P2RY6: variants seen among roughly 807,000 people sequenced by gnomAD.
P2RY6 encodes P2Y purinoceptor 6.
P2RY6 carries 19 observed loss-of-function variants against 16.3 expected under a neutral mutation model. The ratio of observed to expected loss-of-function variants is 1.16; its 90% CI spans 0.81 to 1.71. The LOEUF (loss-of-function observed/expected upper bound fraction) is 1.71, where lower values mean the gene tolerates loss of function less well. Ranked by LOEUF, P2RY6 falls within the 40% of genes most tolerant of loss-of-function variation. P2RY6 has a pLI of 0.00. For missense variants in P2RY6, 389 were observed against 455.5 expected (o/e 0.85, Z 1.33); for synonymous variants, 184 against 201.5 (o/e 0.91, Z 0.74).
chr11:73,294,647 T>C (rs1341061703), intron 1 of P2RY6, among the ~76,000 whole-genome samples: 5 of 152,224 alleles, frequency 3.3e-5, no homozygotes, highest in Admixed American at 3.3e-4. Context: ...GACTATAGAA[T>C]CCAACATTAT....
intron 1 of P2RY6, among the ~76,000 whole-genome samples, chr11:73,286,294 G>A (rs984986549): frequency 2.0e-5 from 3 of 152,302 alleles, no homozygotes; most frequent in Admixed American, 6.5e-5. Flanking sequence ...CAAGGCAGGG[G>A]CTGCCTTTCA....
In P2RY6 at chr11:73,297,811, G is replaced by T; in HGVS notation, c.*306G>T. ...CAGTGTGACGTGTACTGTCATCAAG[G>T]GGTATGCTCCATGCTTTGAGTCACC... is the stretch of plus-strand genomic sequence containing the variant. On this transcript the variant is annotated 3_prime_UTR_variant, in exon 3 of 3. Coordinates refer to ENST00000540124, the MANE Select transcript of P2RY6 (RefSeq NM_001277204.2). 1 of 375,624 alleles carries T rather than the reference G, an allele frequency of 2.7e-6. No homozygotes were observed. Among genetic ancestry groups the T allele is most frequent in the Non-Finnish European group, 5.0e-6 (1 of 198,394 alleles). 23.3% of individuals were successfully genotyped at this position (375,624 alleles called of 1,614,324 possible).
At chr11:73,280,761 G>A (rs566360470) in intron 1 of P2RY6, among the ~76,000 whole-genome samples, 1 of 152,200 alleles carries the variant, frequency 6.6e-6, no homozygotes, top group East Asian at 1.9e-4. Flanking sequence ...AAGAAGAGCA[G>A]GAACTGAAAG....
At chr11:73,284,159 A>G (rs958118828) in intron 1 of P2RY6, among the ~76,000 whole-genome samples, 1 of 152,088 alleles carries the variant, frequency 6.6e-6, no homozygotes, top group African/African-American at 2.4e-5. Flanking sequence ...AGGACAGACA[A>G]AAGGTTGGGG....
intron 1 of P2RY6, among the ~76,000 whole-genome samples, chr11:73,278,694 C>A (rs1453328928): frequency 6.6e-6 from 1 of 152,168 alleles, no homozygotes; most frequent in Non-Finnish European, 1.5e-5. Context: ...TAGTATGTAT[C>A]AGAATTTCAT....
rs558662858 is a variant in P2RY6, at chr11:73,290,835, G to A, written c.-120-4895G>A. On this transcript the variant is annotated intron_variant, in intron 1 of 2. Transcript: ENST00000540124. ...AGGCCTAGCCAGGTCCATGGGCAAA[G>A]CTAAGGCCCGGTGAGAGCAAGGCAG... Among the ~76,000 whole-genome samples, 18 of 152,396 alleles carry A rather than the reference G, an allele frequency of 1.2e-4. No individual in the cohort carries two copies. The East Asian group carries it at 3.3e-3, about 28-fold the overall frequency.
upstream of P2RY6, among the ~76,000 whole-genome samples, chr11:73,269,523 G>T (rs944828061): frequency 1.3e-5 from 2 of 152,166 alleles, no homozygotes; most frequent in Non-Finnish European, 2.9e-5. Context: ...GGTTTGCGGG[G>T]CTCCCCAGGA....
At chr11:73,282,869 C>G (rs1258461822) in intron 1 of P2RY6, among the ~76,000 whole-genome samples, 1 of 152,196 alleles carries the variant, frequency 6.6e-6, no homozygotes, top group Non-Finnish European at 1.5e-5. Flanking sequence ...AGAAGCCCCA[C>G]TGAGCAAATA....
intron 1 of P2RY6, among the ~76,000 whole-genome samples, chr11:73,285,330 T>C (rs1212990363): frequency 1.3e-5 from 2 of 152,252 alleles, no homozygotes; most frequent in African/African-American, 4.8e-5. Context: ...CGCCTTGGCC[T>C]CCCAAAGTGC....
At chr11:73,267,566 T>C (rs907081412), upstream of P2RY6, among the ~76,000 whole-genome samples, 7 of 152,074 alleles carry the variant, frequency 4.6e-5, no homozygotes, top group African/African-American at 1.7e-4. Context: ...AACCTCATTC[T>C]CTCTGAGAGA....
chr11:73,274,488 G>T (rs1050541251), intron 1 of P2RY6, among the ~76,000 whole-genome samples: 1 of 149,382 alleles, frequency 6.7e-6, no homozygotes, highest in African/African-American at 2.5e-5. Flanking sequence ...GTTGCAGTGA[G>T]CTGAGATCAT....
chr11:73,297,751 G>T lies in P2RY6; in HGVS notation c.*246G>T. 1.8e-6 allele frequency: 1 copy of T among 555,954 alleles called. No homozygotes were observed. Among genetic ancestry groups the T allele is most frequent in the Middle Eastern group, 4.9e-4 (1 of 2,046 alleles). 34.4% of individuals were successfully genotyped at this position (555,954 alleles called of 1,614,324 possible). A position where few individuals can be genotyped will look rare whatever the true frequency, so the allele number is the denominator to read the frequency against. ...GAGAGGTCCCAGTCAGCCATGGAGA[G>T]CTGGGGAAACCACATTAAGGTGCTC... On this transcript the variant is annotated 3_prime_UTR_variant, in exon 3 of 3. Coordinates refer to ENST00000540124, the MANE Select transcript of P2RY6 (RefSeq NM_001277204.2).
At chr11:73,292,781 G>A in intron 1 of P2RY6, 1 of 985,298 alleles carries the variant, frequency 1.0e-6, no homozygotes, top group Non-Finnish European at 1.2e-6. Flanking sequence ...AGCCCTGCCA[G>A]GAAACAGAGG....
intron 1 of P2RY6, among the ~76,000 whole-genome samples, chr11:73,294,514 C>T (rs1303389310): frequency 2.6e-5 from 4 of 152,236 alleles, no homozygotes; most frequent in African/African-American, 9.6e-5. Flanking sequence ...TGCTATGTTT[C>T]TTCCTCTGGC....
intron 1 of P2RY6, among the ~76,000 whole-genome samples, chr11:73,280,146 T>C (rs1591673280): frequency 2.6e-5 from 4 of 152,280 alleles, no homozygotes; most frequent in Admixed American, 2.6e-4. Context: ...ACCCCAGTCC[T>C]GCTCTGTTGT....
chr11:73,271,144 A>G (rs1863288478), upstream of P2RY6, among the ~76,000 whole-genome samples: 1 of 152,144 alleles, frequency 6.6e-6, no homozygotes, highest in Non-Finnish European at 1.5e-5. Flanking sequence ...CAGGAGAGTC[A>G]TCTTACAGAC....
chr11:73,274,049 G>T (rs551986609), intron 1 of P2RY6, among the ~76,000 whole-genome samples: 17 of 152,224 alleles, frequency 1.1e-4, no homozygotes, highest in Non-Finnish European at 2.4e-4. Context: ...TGTTGCCCAG[G>T]CTGGTCTCAA....
rs1243926672 is a variant in P2RY6 at position 73,296,889 on chromosome 11, G to A, written c.371G>A (p.Arg124His). 2.4e-5 allele frequency: 39 copies of A among 1,610,170 alleles called. No individual in the cohort carries two copies. Among genetic ancestry groups the A allele is most frequent in the Admixed American group, 3.3e-5 (2 of 60,028 alleles). The change falls in exon 3 of 3, where the codon CGC becomes CAC. Residue 124 changes from arginine to histidine, a missense_variant. Arg to His is a conservative substitution (Grantham distance 29). Transcript: ENST00000540124. The part of the protein sequence containing the change: ...ILFLTCISFQ[R>H]YLGICHPLAP... ...TTCCTCACCTGCATCAGCTTCCAGC[G>A]CTACCTGGGCATCTGCCACCCGCTG...
intron 1 of P2RY6, among the ~76,000 whole-genome samples, chr11:73,287,333 A>C (rs1202618047): frequency 6.6e-6 from 1 of 152,236 alleles, no homozygotes; most frequent in Admixed American, 6.5e-5. Flanking sequence ...TGAGGCATGC[A>C]GTGAAGGTCA....
Sources: gnomAD v4.1 joint callset for allele counts (sites outside exome capture counted in the v4.1 genomes callset) on GRCh38, gnomAD v4.1.1 for gene constraint, MANE v1.5 for transcripts, NCBI Gene and HGNC (gene_info 2026-07-23, HGNC 2026-07-21) for gene names.